TOR1AIP2: variants seen among roughly 807,000 people sequenced by gnomAD.
TOR1AIP2 encodes torsin 1A interacting protein 2.
A neutral mutation model predicts 32.6 loss-of-function variants in TOR1AIP2; 20 were observed. That is an observed-to-expected ratio of 0.61 (90% CI 0.43 to 0.89). The LOEUF (loss-of-function observed/expected upper bound fraction) is 0.89. TOR1AIP2 is among the 40% of genes least tolerant of loss of function. TOR1AIP2 has a pLI of 0.00. For missense variants in TOR1AIP2, 456 were observed against 553.8 expected, an observed-to-expected ratio of 0.82 and a Z score of 1.77; for synonymous variants, 214 against 210.8, an observed-to-expected ratio of 1.02 and a Z score of -0.13.
rs1054686430 is a variant in TOR1AIP2 at position 179,841,437 on chromosome 1, C to T, written c.*4634G>A. The T allele has an allele frequency of 1.3e-5, 2 of 151,886 alleles. No homozygotes were observed. Among genetic ancestry groups the T allele is most frequent in the African/African-American group, 4.9e-5 (2 of 41,198 alleles). The allele number at this position is 151,886 out of a possible 1,614,324, so 9.4% of individuals were successfully genotyped here. Reference sequence around the variant, plus strand: ...TATGTTTACAACTATGTTTTATTTTCAAATGGTAAAGGAAAGGCTTCATGT... The same window carrying T: ...TATGTTTACAACTATGTTTTATTTTTAAATGGTAAAGGAAAGGCTTCATGT... On this transcript the variant is annotated 3_prime_UTR_variant, in exon 7 of 7. Transcript: ENST00000609928.
At chr1:179,870,128 G>A (rs184945263) in intron 2 of TOR1AIP2, among the ~76,000 whole-genome samples, 2 of 152,202 alleles carry the variant, frequency 1.3e-5, no homozygotes, top group Admixed American at 1.3e-4. Context: ...TGGGCACGGT[G>A]GTTTACGCCT....
At chr1:179,871,851 A>G (rs1697023022) in intron 2 of TOR1AIP2, among the ~76,000 whole-genome samples, 1 of 152,242 alleles carries the variant, frequency 6.6e-6, no homozygotes, top group Admixed American at 6.5e-5. Context: ...TTAGATAATG[A>G]GAGATTAAGG....
chr1:179,860,984 T>A, intron 3 of TOR1AIP2: 2 of 985,454 alleles, frequency 2.0e-6, no homozygotes, highest in Non-Finnish European at 2.4e-6. Flanking sequence ...GAATCTTACC[T>A]CACTCACTCA....
chr1:179,871,058 G>A (rs537096786), intron 2 of TOR1AIP2, among the ~76,000 whole-genome samples: 7 of 152,300 alleles, frequency 4.6e-5, no homozygotes, highest in Admixed American at 4.6e-4. Flanking sequence ...TGAAGGCTAA[G>A]GGCTCTTAGA....
intron 3 of TOR1AIP2, among the ~76,000 whole-genome samples, chr1:179,853,198 T>TTTTC (rs1480853078): frequency 4.6e-5 from 7 of 152,356 alleles, no homozygotes; most frequent in African/African-American, 1.7e-4. Context: ...TCCCAGATAA[T>TTTTC]TTTCTCATAG....
At chr1:179,869,032 G>C (rs1696911857) in intron 2 of TOR1AIP2, 1 of 152,212 alleles carries the variant, frequency 6.6e-6, no homozygotes, top group Non-Finnish European at 1.5e-5. Context: ...AGGAGAGACG[G>C]GGTTTCTCCA....
chr1:179,868,555 C>T (rs1200871452), intron 2 of TOR1AIP2: 2 of 152,108 alleles, frequency 1.3e-5, no homozygotes, highest in African/African-American at 4.8e-5. Context: ...TAGGCACATA[C>T]CCTAGAGAAA....
chr1:179,845,762 G>A lies in TOR1AIP2; in HGVS notation c.*309C>T. The A allele has an allele frequency of 4.4e-6, 1 of 226,316 alleles. No homozygotes were observed. The highest frequency in any genetic ancestry group is 8.5e-6 in the Non-Finnish European group (1 of 117,320). The allele number at this position is 226,316 out of a possible 1,614,324, so 14.0% of individuals were successfully genotyped here. On this transcript the variant is annotated 3_prime_UTR_variant, in exon 7 of 7. Coordinates refer to ENST00000609928, the MANE Select transcript of TOR1AIP2 (RefSeq NM_001199260.2). ...ACTCTGTAGTTACTCTAAGAAGTAA[G>A]AGTATCTTCCTGTGCAATGTTGCTA...
chr1:179,847,650 G>T lies in TOR1AIP2; in HGVS notation c.554-14C>A, dbSNP rs376083463. The T allele has an allele frequency of 3.9e-6, 6 of 1,525,976 alleles. No individual in the cohort carries two copies. The highest frequency in any genetic ancestry group is 5.5e-6 in the Non-Finnish European group (6 of 1,099,976). The allele number at this position is 1,525,976 out of a possible 1,614,324, so 94.5% of individuals were successfully genotyped here. A position where few individuals can be genotyped will look rare whatever the true frequency, so the allele number is the denominator to read the frequency against. ...GACTTCCAGCCTCTGGAGAGGAAAA[G>T]AATCAATATTATTTTTAGGCAGTAC... is the stretch of plus-strand genomic sequence containing the variant. On this transcript the variant is annotated splice_polypyrimidine_tract_variant and intron_variant, in intron 5 of 6. Coordinates refer to ENST00000609928, the MANE Select transcript of TOR1AIP2 (RefSeq NM_001199260.2).
rs1695915898 is a variant in TOR1AIP2, at chr1:179,846,611, A to G, written c.873T>C (p.Thr291=). 1.2e-6 allele frequency: 2 copies of G among 1,613,960 alleles called. No individual in the cohort carries two copies. The highest frequency in any genetic ancestry group is 1.7e-6 in the Non-Finnish European group (2 of 1,179,998). ...LQKHLNASNP[T]EPATIIFTAA... is the part of the protein sequence containing the mutation. ...CTGTAAATATGATGGTGGCTGGCTC[A>G]GTGGGGTTGGAAGCATTGAGGTGCT... Residue 291 remains threonine (T), a synonymous_variant, in exon 7 of 7, where the codon ACT becomes ACC. Transcript: ENST00000609928.
intron 3 of TOR1AIP2, chr1:179,862,560 C>T (rs1017133993): frequency 7.1e-6 from 7 of 985,322 alleles, no homozygotes; most frequent in Non-Finnish European, 8.4e-6. Flanking sequence ...TAACAAATAA[C>T]TTCAGGTTTC....
At chr1:179,865,040 G>C in intron 3 of TOR1AIP2, 1 of 1,614,020 alleles carries the variant, frequency 6.2e-7, no homozygotes. Context: ...ACAATAATCA[G>C]CTCTGTTAAT....
Position 179,840,889 on chromosome 1 carries a change from T to TATAGTAATAATAATAATA in TOR1AIP2, c.*5181_*5182insTATTATTATTATTACTAT, listed in dbSNP as rs1553233706. 1.8e-4 allele frequency: 27 copies of TATAGTAATAATAATAATA among 146,748 alleles called. No individual in the cohort carries two copies. Among genetic ancestry groups the TATAGTAATAATAATAATA allele is most frequent in the Non-Finnish European group, 3.1e-4 (21 of 67,128 alleles). 9.1% of individuals were successfully genotyped at this position (146,748 alleles called of 1,614,324 possible). On this transcript the variant is annotated 3_prime_UTR_variant, in exon 7 of 7. Transcript: ENST00000609928. ...TCCACATGTATCCCAGAACTTAAAC[T>TATAGTAATAATAATAATA]ATAATAATAATAATAATAATAATAA... is the stretch of plus-strand genomic sequence containing the variant.
chr1:179,862,515 A>G, intron 3 of TOR1AIP2: 2 of 985,474 alleles, frequency 2.0e-6, no homozygotes, highest in Non-Finnish European at 2.4e-6. Context: ...AGGCAGATAC[A>G]GGGTGCATCT....
intron 3 of TOR1AIP2, chr1:179,865,210 G>A (rs749270499): frequency 1.3e-6 from 2 of 1,554,846 alleles, no homozygotes; most frequent in Non-Finnish European, 1.7e-6. Flanking sequence ...ACAGCAATGT[G>A]ACAGCAAGAG....
At chr1:179,870,276 G>A (rs1558028457) in intron 2 of TOR1AIP2, among the ~76,000 whole-genome samples, 2 of 152,110 alleles carry the variant, frequency 1.3e-5, no homozygotes, top group Non-Finnish European at 2.9e-5. Flanking sequence ...GCGGGCGCCT[G>A]TAGTCCCAGC....
intron 3 of TOR1AIP2, chr1:179,861,828 T>C (rs1051572339): frequency 6.2e-5 from 60 of 967,226 alleles, no homozygotes; most frequent in Non-Finnish European, 7.0e-5. Context: ...AGCACCTGCA[T>C]CAGAATCTCC....
chr1:179,866,579 A>G (rs1696785726), intron 2 of TOR1AIP2, among the ~76,000 whole-genome samples: 1 of 152,076 alleles, frequency 6.6e-6, no homozygotes, highest in Admixed American at 6.5e-5. Flanking sequence ...CTAATTTTGT[A>G]TTTTTAGTAG....
At chr1:179,853,718 T>C (rs993637825) in intron 3 of TOR1AIP2, among the ~76,000 whole-genome samples, 4 of 152,196 alleles carry the variant, frequency 2.6e-5, no homozygotes, top group African/African-American at 9.7e-5. Flanking sequence ...TTAAAAACTT[T>C]GATCCCCAAT....
Sources: allele counts gnomAD v4.1 joint callset (sites outside exome capture counted in the v4.1 genomes callset), GRCh38; gene constraint gnomAD v4.1.1; transcripts MANE v1.5; gene names NCBI Gene and HGNC (gene_info 2026-07-23, HGNC 2026-07-21).